WDFY4: variants seen among roughly 807,000 people sequenced by gnomAD.
WDFY4 encodes WDFY family member 4.
In WDFY4, 169 loss-of-function variants were observed where a neutral mutation model predicts 351.9. The observed-to-expected ratio is 0.48, with a 90% confidence interval of 0.42 to 0.55. The LOEUF is 0.55. Among genes scored for constraint, WDFY4 ranks in the 20% least tolerant of loss-of-function variants. WDFY4 has a pLI of 0.00. For synonymous variants in WDFY4, 1,622 were observed against 1,574.6 expected (o/e 1.03, Z -0.71); for missense variants, 3,803 against 3,935.6 (o/e 0.97, Z 0.90).
chr10:48,923,702 A>T (rs1839324252), intron 47 of WDFY4, among the ~76,000 whole-genome samples: 1 of 151,970 alleles, frequency 6.6e-6, no homozygotes, highest in Non-Finnish European at 1.5e-5. Context: ...ACAGATAAAC[A>T]GTAATCAGGC....
At chr10:48,795,518 TATATA>T (rs2066835978) in intron 23 of WDFY4, among the ~76,000 whole-genome samples, 1 of 96,134 alleles carries the variant, frequency 1.0e-5, no homozygotes, top group Non-Finnish European at 1.9e-5. Flanking sequence ...TATATATATA[TATATA>T]CATATATATA....
rs1398764287 is a variant in WDFY4, at chr10:48,788,571, G to A, written c.3850G>A (p.Glu1284Lys). 1.3e-6 allele frequency: 2 copies of A among 1,552,020 alleles called. No homozygotes were observed. The highest frequency in any genetic ancestry group is 2.0e-5 in the Admixed American group (1 of 51,008). The change falls in exon 21 of 62, where the codon GAA (glutamate) becomes AAA (lysine). Residue 1284 changes from glutamate to lysine, a missense_variant. By Grantham distance (56) the Glu-to-Lys change is moderately conservative. Transcript: ENST00000325239. ...DSEATPFVAE[E>K]RVSFGLHIAS... is the part of the protein sequence containing the mutation. The stretch of plus-strand genomic sequence containing the variant: ...TGAAGCCACGCCCTTTGTTGCAGAA[G>A]AAAGAGTTTCTTTTGGACTTCACAT...
At chr10:48,735,493 T>A (rs893758512) in intron 10 of WDFY4, among the ~76,000 whole-genome samples, 1 of 151,984 alleles carries the variant, frequency 6.6e-6, no homozygotes, top group Admixed American at 6.6e-5. Flanking sequence ...AGGTTTCTAT[T>A]TTTTTTTCTT....
chr10:48,822,146 C>T (rs2067845326), intron 34 of WDFY4, among the ~76,000 whole-genome samples: 1 of 152,222 alleles, frequency 6.6e-6, no homozygotes, highest in African/African-American at 2.4e-5. Flanking sequence ...AAATGCTTCA[C>T]CTTGCTTGCT....
At chr10:48,787,955 T>TTCC (rs2066530625) in intron 20 of WDFY4, among the ~76,000 whole-genome samples, 1 of 124,412 alleles carries the variant, frequency 8.0e-6, no homozygotes, top group Non-Finnish European at 1.6e-5. Context: ...CTTCTTCTTC[T>TTCC]TCTTCTTCTT....
intron 1 of WDFY4, among the ~76,000 whole-genome samples, chr10:48,688,401 T>C (rs947124024): frequency 6.6e-6 from 1 of 152,254 alleles, no homozygotes; most frequent in African/African-American, 2.4e-5. Context: ...GTGATATCTT[T>C]ATGAAAATGA....
At chr10:48,959,642 G>A (rs1340236818) in intron 52 of WDFY4, 80 bp from the exon 53 acceptor site, 2 of 1,293,968 alleles carry the variant, frequency 1.5e-6, no homozygotes, top group Non-Finnish European at 2.2e-6. Context: ...CAGCAATCCT[G>A]GGCAATGTGT....
intron 47 of WDFY4, among the ~76,000 whole-genome samples, chr10:48,931,636 GA>G (rs1589932025): frequency 6.6e-6 from 1 of 152,328 alleles, no homozygotes; most frequent in East Asian, 1.9e-4. Flanking sequence ...GGTTAGTGGA[GA>G]AAAAGGGTAG....
intron 53 of WDFY4, among the ~76,000 whole-genome samples, chr10:48,962,667 C>G (rs186944690): frequency 6.6e-6 from 1 of 152,154 alleles, no homozygotes. Flanking sequence ...TGGATGACAC[C>G]TTTTATGAGG....
At chr10:48,906,291 A>G (rs1345005636) in intron 47 of WDFY4, among the ~76,000 whole-genome samples, 4 of 151,858 alleles carry the variant, frequency 2.6e-5, no homozygotes, top group African/African-American at 9.7e-5. Context: ...TTTGGACACC[A>G]TCCCACACAT....
chr10:48,791,442 T>A (rs2066676353), intron 23 of WDFY4, among the ~76,000 whole-genome samples: 1 of 152,236 alleles, frequency 6.6e-6, no homozygotes, highest in Non-Finnish European at 1.5e-5. Flanking sequence ...CATTTCTACT[T>A]CTTAATCTCT....
intron 43 of WDFY4, among the ~76,000 whole-genome samples, chr10:48,885,704 TAAG>T (rs1322982533): frequency 6.6e-6 from 1 of 151,724 alleles, no homozygotes; most frequent in Admixed American, 6.6e-5. Flanking sequence ...TATAAAACAA[TAAG>T]GAGATGTTCT....
chr10:48,947,391 A>G (rs1841102783), intron 51 of WDFY4, among the ~76,000 whole-genome samples: 1 of 152,228 alleles, frequency 6.6e-6, no homozygotes, highest in Admixed American at 6.5e-5. Flanking sequence ...CTGTACCAAG[A>G]ACAAACTGAA....
At chr10:48,812,134 C>G (rs571745956) in intron 30 of WDFY4, among the ~76,000 whole-genome samples, 2 of 151,882 alleles carry the variant, frequency 1.3e-5, no homozygotes, top group Non-Finnish European at 2.9e-5. Flanking sequence ...TCAGCTCCTT[C>G]CTTGGGTGAC....
At chr10:48,772,437 A>G (rs1464168804) in intron 13 of WDFY4, among the ~76,000 whole-genome samples, 2 of 147,712 alleles carry the variant, frequency 1.4e-5, no homozygotes, top group African/African-American at 5.0e-5. Flanking sequence ...GGGGCATGTA[A>G]GTGTGTGTGT....
At chr10:48,707,997 TATAA>T (rs1190971480) in intron 1 of WDFY4, among the ~76,000 whole-genome samples, 3 of 152,048 alleles carry the variant, frequency 2.0e-5, no homozygotes, top group African/African-American at 4.8e-5. Flanking sequence ...GAAGCAAAAG[TATAA>T]ATAAAGTTTG....
At chr10:48,822,320 G>T in intron 34 of WDFY4, 60 bp from the exon 35 acceptor site, 1 of 1,457,238 alleles carries the variant, frequency 6.9e-7, no homozygotes, top group Non-Finnish European at 9.1e-7. Context: ...GGGGCTTGGA[G>T]ATTGTCATGG....
At chr10:48,693,670 A>T (rs995729066) in intron 1 of WDFY4, among the ~76,000 whole-genome samples, 1 of 152,192 alleles carries the variant, frequency 6.6e-6, no homozygotes, top group Non-Finnish European at 1.5e-5. Flanking sequence ...TAAACGCTTC[A>T]TGTTACAGGT....
Position 48,743,326 on chromosome 10 carries a change from T to C in WDFY4, c.2237T>C (p.Leu746Pro). The C allele has an allele frequency of 1.3e-6, 2 of 1,551,642 alleles. No homozygotes were observed. The highest frequency in any genetic ancestry group is 1.7e-6 in the Non-Finnish European group (2 of 1,146,938). Residue 746 changes from leucine to proline, a missense_variant, in exon 12 of 62, where the codon CTG becomes CCG. By Grantham distance (98) the Leu-to-Pro change is moderately conservative (BLOSUM62 -3). Coordinates refer to ENST00000325239, the MANE Select transcript of WDFY4 (RefSeq NM_001394531.1). ...AAGGCCAGGCCATTTGCAGATTTGC[T>C]GGGCACTGCCTTTTCCTCCAGCGGC... ...DTKARPFADL[L>P]GTAFSSSGSL...
Sources: gnomAD v4.1 joint callset for allele counts (sites outside exome capture counted in the v4.1 genomes callset) on GRCh38, gnomAD v4.1.1 for gene constraint, MANE v1.5 for transcripts, NCBI Gene and HGNC (gene_info 2026-07-23, HGNC 2026-07-21) for gene names.